SYNCRIP: variants seen among roughly 807,000 people sequenced by gnomAD.
SYNCRIP encodes the protein heterogeneous nuclear ribonucleoprotein Q.
Under a neutral mutation model 68.9 loss-of-function variants are expected in SYNCRIP, and 9 were observed. The ratio of observed to expected loss-of-function variants is 0.13; its 90% confidence interval spans 0.08 to 0.23. The LOEUF (loss-of-function observed/expected upper bound fraction) is 0.23. Ranked by LOEUF, SYNCRIP falls within the 10% of genes least tolerant of loss-of-function variation. The probability of loss-of-function intolerance (pLI) is 1.00; values close to 1 mark genes in which losing one functional copy is unlikely to be tolerated. For missense variants in SYNCRIP, 414 were observed against 770.6 expected (o/e 0.54, Z 5.48); for synonymous variants, 258 against 254.0 (o/e 1.02, Z -0.15).
intron 6 of SYNCRIP, among the ~76,000 whole-genome samples, chr6:85,633,081 T>A (rs1348100727): frequency 6.6e-6 from 1 of 151,192 alleles, no homozygotes; most frequent in African/African-American, 2.4e-5. Context: ...TGAAACCCTG[T>A]CTCTACTAAA....
At chr6:85,630,296 G>A (rs1340445371) in intron 6 of SYNCRIP, among the ~76,000 whole-genome samples, 1 of 152,164 alleles carries the variant, frequency 6.6e-6, no homozygotes, top group African/African-American at 2.4e-5. Context: ...AGGAGGTGGA[G>A]CTTGCAATGA....
chr6:85,634,573 GGT>G (rs982514117), intron 6 of SYNCRIP, among the ~76,000 whole-genome samples: 1 of 147,082 alleles, frequency 6.8e-6, no homozygotes, highest in Non-Finnish European at 1.5e-5. Flanking sequence ...CTCATACACT[GGT>G]GTGTTGTTTT....
chr6:85,611,029 G>A (rs1805195869), downstream of SYNCRIP: 1 of 151,912 alleles, frequency 6.6e-6, no homozygotes. Flanking sequence ...ATATTCCAAT[G>A]AATACTTATT....
intron 7 of SYNCRIP, 122 bp downstream of exon 7, chr6:85,623,855 A>T: frequency 2.4e-6 from 3 of 1,247,586 alleles, no homozygotes; most frequent in Non-Finnish European, 3.3e-6. Context: ...CTACACTTCA[A>T]AAGTTGTAGT....
intron 6 of SYNCRIP, 29 bp from the exon 7 acceptor site, chr6:85,624,141 T>A (rs770691674): frequency 4.4e-6 from 7 of 1,595,246 alleles, no homozygotes; most frequent in Non-Finnish European, 3.4e-6. Flanking sequence ...CATCATGTTT[T>A]TAAATTACTT....
In SYNCRIP at chr6:85,614,521, A is replaced by G. The variant is rs1298327249; in HGVS notation, c.*235T>C. 15 of 1,230,298 alleles carry G rather than the reference A, an allele frequency of 1.2e-5. No homozygotes were observed. Among genetic ancestry groups the G allele is most frequent in the East Asian group, 3.6e-5 (1 of 27,658 alleles). The allele number at this position is 1,230,298 out of a possible 1,614,324, so 76.2% of individuals were successfully genotyped here. On this transcript the variant is annotated 3_prime_UTR_variant, in exon 11 of 11. Coordinates refer to ENST00000369622, the MANE Select transcript of SYNCRIP (RefSeq NM_006372.5). ...TTTTCTCAAGCACAAATGCAAACTC[A>G]TTAACTATTTCTTTCAGTATCTAAG...
In SYNCRIP at chr6:85,640,226, T is replaced by C; in HGVS notation, c.370A>G (p.Ile124Val). 4.3e-6 allele frequency: 7 copies of C among 1,610,610 alleles called. No homozygotes were observed. The highest frequency in any genetic ancestry group is 5.9e-6 in the Non-Finnish European group (7 of 1,177,358). The change falls in exon 4 of 11, where the codon ATT becomes GTT. Residue 124 changes from isoleucine to valine, a missense_variant. Coordinates refer to ENST00000369622, the MANE Select transcript of SYNCRIP (RefSeq NM_006372.5). ...DSSKGPDEAKIKALLERTGYT... is the reference protein window; with the variant it reads ...DSSKGPDEAKVKALLERTGYT... ...GGGAGTATAGAAAGACATACCTTAA[T>C]TTTTGCCTCATCTGGTCCTTTACTA...
intron 6 of SYNCRIP, among the ~76,000 whole-genome samples, chr6:85,625,240 G>C (rs886320212): frequency 2.6e-5 from 4 of 151,860 alleles, no homozygotes; most frequent in Non-Finnish European, 5.9e-5. Context: ...CAAGTGTGTG[G>C]CCCTCCTGAT....
At chr6:85,608,049 AC>A (rs921447214), downstream of SYNCRIP, 1 of 152,062 alleles carries the variant, frequency 6.6e-6, no homozygotes, top group Non-Finnish European at 1.5e-5. Flanking sequence ...CCAAATTACC[AC>A]TAACTTTATC....
rs746316828 is a variant in SYNCRIP at position 85,640,230 on chromosome 6, T to C, written c.366A>G (p.Ala122=). 6.2e-7 allele frequency: 1 copy of C among 1,611,818 alleles called. No homozygotes were observed. ...GTATAGAAAGACATACCTTAATTTTTGCCTCATCTGGTCCTTTACTAGAAT... is the reference window on the plus strand; with the variant it reads ...GTATAGAAAGACATACCTTAATTTTCGCCTCATCTGGTCCTTTACTAGAAT... ...VADSSKGPDE[A]KIKALLERTG... is the part of the protein sequence containing the mutation. Residue 122 remains alanine, a synonymous_variant, in exon 4 of 11, where the codon GCA becomes GCG. Coordinates refer to ENST00000369622, the MANE Select transcript of SYNCRIP (RefSeq NM_006372.5).
downstream of SYNCRIP, chr6:85,612,995 A>C (rs1254143094): frequency 6.0e-6 from 9 of 1,501,906 alleles, no homozygotes; most frequent in Admixed American, 2.1e-5. Flanking sequence ...CATAATGATA[A>C]CATTAAAAAG....
chr6:85,623,851 T>C (rs1806736324), intron 7 of SYNCRIP, 126 bp downstream of exon 7: 1 of 1,219,600 alleles, frequency 8.2e-7, no homozygotes, highest in South Asian at 1.4e-5. Flanking sequence ...TTACCTACAC[T>C]TCAAAAGTTG....
chr6:85,642,924 T>C (rs1191954866), upstream of SYNCRIP: 2 of 152,554 alleles, frequency 1.3e-5, no homozygotes, highest in African/African-American at 4.8e-5. Flanking sequence ...CTCACGCCGC[T>C]GGCAGCAAAC....
At chr6:85,637,855 A>G (rs902568794) in intron 4 of SYNCRIP, among the ~76,000 whole-genome samples, 3 of 152,080 alleles carry the variant, frequency 2.0e-5, no homozygotes, top group African/African-American at 7.2e-5. Context: ...AGCTACAGGG[A>G]AAAAAAATCT....
chr6:85,623,560 T>TCC (rs146819700), intron 7 of SYNCRIP, among the ~76,000 whole-genome samples: 4 of 43,802 alleles, frequency 9.1e-5, no homozygotes, highest in African/African-American at 2.6e-4. Flanking sequence ...CAAGACTGTC[T>TCC]CCAAAAAAAA....
downstream of SYNCRIP, chr6:85,612,122 G>A (rs1269142886): frequency 6.6e-6 from 1 of 152,078 alleles, no homozygotes; most frequent in Non-Finnish European, 1.5e-5. Context: ...AGTCTTACAA[G>A]CCTCTGAAAC....
At chr6:85,622,415 C>T in intron 8 of SYNCRIP, 67 bp downstream of exon 8, 4 of 1,391,658 alleles carry the variant, frequency 2.9e-6, no homozygotes, top group Non-Finnish European at 4.1e-6. Context: ...TTATGTTCCC[C>T]CCACCCCAAC....
At position 85,615,239 on chromosome 6, in the gene SYNCRIP, A is replaced by G. The variant is rs1805639848; in HGVS notation, c.1389T>C (p.Tyr463=). 1 of 1,607,512 alleles carries G rather than the reference A, an allele frequency of 6.2e-7. No individual in the cohort carries two copies. The highest frequency in any genetic ancestry group is 1.3e-5 in the African/African-American group (1 of 74,782). The part of the protein sequence containing the change: ...GYGYPPDYYG[Y]EDYYDYYGYD... Reference sequence around the variant, plus strand: ...AACCATAATAATCATAATAATCTTCATATCCATAATAATCTGGAGGATATC... The same window carrying G: ...AACCATAATAATCATAATAATCTTCGTATCCATAATAATCTGGAGGATATC... The change falls in exon 11 of 11, where the codon TAT becomes TAC. Residue 463 remains tyrosine (Y), a synonymous_variant. Transcript: ENST00000369622.
At chr6:85,624,227 C>CTTGT in intron 6 of SYNCRIP, 115 bp from the exon 7 acceptor site, 19 of 991,758 alleles carry the variant, frequency 1.9e-5, no homozygotes, top group Middle Eastern at 3.1e-4. Flanking sequence ...CCTTAATTCC[C>CTTGT]ATACAAGGGA....
Sources: allele counts gnomAD v4.1 joint callset (sites outside exome capture counted in the v4.1 genomes callset), GRCh38; gene constraint gnomAD v4.1.1; transcripts MANE v1.5; gene names NCBI Gene and HGNC (gene_info 2026-07-23, HGNC 2026-07-21).